The following SSR4 variants were observed in gnomAD, a reference collection of about 807,000 sequenced individuals.
SSR4 encodes the protein signal sequence receptor subunit 4.
For synonymous variants in SSR4, 84 were observed against 65.6 expected (o/e 1.28, Z -1.35); for missense variants, 125 against 148.8 (o/e 0.84, Z 0.83).
intron 2 of SSR4, 23 bp downstream of exon 2, chrX:153,796,575 A>T: frequency 2.9e-5 from 28 of 956,939 alleles, no homozygotes; most frequent in Non-Finnish European, 4.0e-5. Flanking sequence ...GGTTTCAGAC[A>T]GGAGGGCGGG....
chrX:153,797,522 G>A lies in SSR4; in HGVS notation c.251G>A (p.Gly84Glu). The change falls in exon 3 of 6, where the codon GGG (glycine) becomes GAG (glutamate). Residue 84 changes from glycine to glutamate, a missense_variant. Gly to Glu is a moderately conservative substitution (Grantham distance 98, BLOSUM62 -2). Coordinates refer to ENST00000370086, the MANE Select transcript of SSR4 (RefSeq NM_006280.3). The stretch of plus-strand genomic sequence containing the variant: ...CCTGTCACTCGAGGCCAGGATGTGG[G>A]GCGTTATCAGGTGAGGGGCCAATGG... Reference protein sequence around the residue: ...QFPVTRGQDVGRYQVSWSLDH... With the variant: ...QFPVTRGQDVERYQVSWSLDH... The A allele has an allele frequency of 8.3e-7, 1 of 1,210,196 alleles. No homozygotes were observed. Among genetic ancestry groups the A allele is most frequent in the Non-Finnish European group, 1.1e-6 (1 of 893,896 alleles).
Position 153,798,087 on chromosome X carries a change from A to C in SSR4, c.368A>C (p.Glu123Ala). The change falls in exon 5 of 6, where the codon GAG becomes GCG. Residue 123 changes from glutamate (E) to alanine (A), a missense_variant. Glu to Ala is a moderately radical substitution (Grantham distance 107). Transcript: ENST00000370086. ...CCCTTGCAGGCTCAGAGGAATAACG[A>C]GGACATTTCCATCATCCCGCCTCTG... ...SLLRKAQRNN[E>A]DISIIPPLFT... 1 of 1,208,416 alleles carries C rather than the reference A, an allele frequency of 8.3e-7. No homozygotes were observed. The highest frequency in any genetic ancestry group is 3.0e-5 in the East Asian group (1 of 33,699).
chrX:153,796,980 AAGCGATTCTCCT>A, intron 2 of SSR4: 1 of 173,569 alleles, frequency 5.8e-6, no homozygotes, highest in Non-Finnish European at 1.1e-5. Context: ...TCCCGGGTTC[AAGCGATTCTCCT>A]CTCAGTCTCC....
intron 1 of SSR4, chrX:153,795,966 C>T (rs782082202): frequency 4.9e-5 from 23 of 470,101 alleles, no homozygotes; most frequent in Non-Finnish European, 5.8e-5. Flanking sequence ...GTCAACTGGC[C>T]GGGGGCAGAG....
chrX:153,798,001 CCCCT>C, intron 4 of SSR4, 66 bp from the exon 5 acceptor site: 2 of 484,382 alleles, frequency 4.1e-6, no homozygotes, highest in Non-Finnish European at 3.7e-6. Flanking sequence ...ACCTGTCTTT[CCCCT>C]CCCCTCCCCA....
intron 1 of SSR4, chrX:153,795,204 T>C (rs2092132303): frequency 7.4e-6 from 1 of 135,365 alleles, no homozygotes; most frequent in African/African-American, 3.2e-5. Context: ...GGGCCTTGAG[T>C]GCCAGGCCGA....
At chrX:153,798,159 C>T in intron 5 of SSR4, 23 bp downstream of exon 5, 10 of 1,205,176 alleles carry the variant, frequency 8.3e-6, no homozygotes, top group Non-Finnish European at 1.1e-5. Flanking sequence ...GTCCCTCCTC[C>T]TTTTTGGGGT....
intron 1 of SSR4, chrX:153,795,549 C>A: frequency 7.8e-6 from 3 of 384,297 alleles, no homozygotes; most frequent in Non-Finnish European, 1.0e-5. Context: ...ACAAGCCTGG[C>A]CATAAAACCC....
upstream of SSR4, chrX:153,794,527 C>G (rs782171979): frequency 1.0e-4 from 120 of 1,164,656 alleles, no homozygotes; most frequent in East Asian, 2.4e-3. Flanking sequence ...GGGCCCCTGG[C>G]TCAGGGAGGG....
upstream of SSR4, chrX:153,794,502 G>T (rs977554126): frequency 9.5e-6 from 11 of 1,158,553 alleles, no homozygotes; most frequent in East Asian, 6.6e-5. Context: ...GTTGAGGGGG[G>T]GACCGCGACC....
Position 153,794,686 on chromosome X carries a change from C to T in SSR4, c.-2C>T, listed in dbSNP as rs1299034971. ...TCTTTTCCTCTAGGCAGAGAAGAGG[C>T]GATGGCGGCGATGGCATCTCTCGGC... On this transcript the variant is annotated 5_prime_UTR_variant, in exon 1 of 6. Transcript: ENST00000370086. 1.7e-6 allele frequency: 2 copies of T among 1,211,320 alleles called. No individual in the cohort carries two copies. The highest frequency in any genetic ancestry group is 3.0e-5 in the East Asian group (1 of 33,808).
At chrX:153,794,490 A>C (rs1215817602), upstream of SSR4, 9 of 1,153,497 alleles carry the variant, frequency 7.8e-6, no homozygotes, top group East Asian at 2.0e-4. Context: ...CGCTGCCGCC[A>C]TGTTGAGGGG....
At chrX:153,798,295 C>T (rs782453251) in intron 5 of SSR4, 34 bp from the exon 6 acceptor site, 7 of 1,201,927 alleles carry the variant, frequency 5.8e-6, no homozygotes, top group South Asian at 5.3e-5. Context: ...CACCTGTACT[C>T]CCCTGAGCTG....
At chrX:153,796,306 T>A in intron 1 of SSR4, 128 bp from the exon 2 acceptor site, 1 of 488,547 alleles carries the variant, frequency 2.0e-6, no homozygotes. Flanking sequence ...ATATCCCACC[T>A]GGAAGGGGCA....
In SSR4 at chrX:153,796,441, C is replaced by T. The variant is rs782413812; in HGVS notation, c.75C>T (p.Ala25=). ...LSSLSRCSAE[A]CLEPQITPSY... ...TCTCCCTCTTCCCCGCAGCCGAGGC[C>T]TGCCTGGAGCCCCAGATCACCCCTT... The change falls in exon 2 of 6, where the codon GCC becomes GCT. Residue 25 remains alanine, a synonymous_variant. Transcript: ENST00000370086. The T allele has an allele frequency of 8.3e-7, 1 of 1,206,412 alleles. No individual in the cohort carries two copies. Among genetic ancestry groups the T allele is most frequent in the Non-Finnish European group, 1.1e-6 (1 of 890,389 alleles).
In SSR4 at chrX:153,797,684, C is replaced by T. The variant is rs367638401; in HGVS notation, c.262-41C>T. On this transcript the variant is annotated intron_variant, in intron 3 of 5. Transcript: ENST00000370086. ...GCACTGGTGGTCAGGGTGGCCCCTC[C>T]GTGTCCACTCTGCCCACACTCTGCT... 4.2e-5 allele frequency: 49 copies of T among 1,160,414 alleles called. No individual in the cohort carries two copies. The Middle Eastern group carries it at 7.2e-4, about 17-fold the overall frequency.
At chrX:153,795,592 C>A in intron 1 of SSR4, 1 of 713,495 alleles carries the variant, frequency 1.4e-6, no homozygotes, top group Non-Finnish European at 1.7e-6. Flanking sequence ...AGGAAGCAGG[C>A]CCAACTTAGG....
chrX:153,796,047 A>G lies in SSR4; in HGVS notation c.68-387A>G, dbSNP rs1287249013. The G allele has an allele frequency of 3.6e-5, 7 of 192,239 alleles. 1 individual carries two copies. In the Middle Eastern group the frequency reaches 0.011, roughly 299 times the overall value. The allele number at this position is 192,239 out of a possible 1,213,427, so 15.8% of individuals were successfully genotyped here. ...GCCCCCACCCCCGATGTCTCTGCTG[A>G]GGATGCCTTCAGTAACTCGTCCAGG... On this transcript the variant is annotated intron_variant, in intron 1 of 5. Transcript: ENST00000370086.
rs1231812855 is a variant in SSR4 at position 153,797,587 on chromosome X, G to T, written c.261+55G>T. 9 of 1,159,213 alleles carry T rather than the reference G, an allele frequency of 7.8e-6. No homozygotes were observed. In the African/African-American group the frequency reaches 1.4e-4, roughly 18 times the overall value. On this transcript the variant is annotated intron_variant, in intron 3 of 5. Coordinates refer to ENST00000370086, the MANE Select transcript of SSR4 (RefSeq NM_006280.3). ...GGCTCCCTGCTCCCGGGTGTGACCT[G>T]AAGCCCCAGGGGTGGCCGGTCAACC...
Sources: gnomAD v4.1 joint callset for allele counts on GRCh38, gnomAD v4.1.1 for gene constraint, MANE v1.5 for transcripts, NCBI Gene and HGNC (gene_info 2026-07-23, HGNC 2026-07-21) for gene names.